POFUT3: variants seen among roughly 807,000 people sequenced by gnomAD.
The protein encoded by POFUT3 is GDP-fucose protein O-fucosyltransferase 3.
the POFUT3 span, among the ~76,000 whole-genome samples, chr8:33,347,904 G>T: frequency 6.6e-6 from 1 of 152,194 alleles, no homozygotes; most frequent in Non-Finnish European, 1.5e-5. Flanking sequence ...GTGGCCAGGT[G>T]TGGTGGCTCA....
chr8:33,420,666 C>A, the POFUT3 span, among the ~76,000 whole-genome samples: 1 of 152,064 alleles, frequency 6.6e-6, no homozygotes, highest in Non-Finnish European at 1.5e-5. Flanking sequence ...ACCAAATAAT[C>A]ACTTGCCTCA....
the POFUT3 span, among the ~76,000 whole-genome samples, chr8:33,401,203 C>G: frequency 2.6e-5 from 4 of 152,146 alleles, no homozygotes; most frequent in African/African-American, 9.7e-5. Flanking sequence ...GGCGGCTGGT[C>G]TCAAACTCCT....
At chr8:33,376,395 A>T in the POFUT3 span, among the ~76,000 whole-genome samples, 2 of 152,210 alleles carry the variant, frequency 1.3e-5, no homozygotes, top group African/African-American at 4.8e-5. Flanking sequence ...TCCCATAGGA[A>T]ATATATGAGG....
At chr8:33,407,765 G>A in the POFUT3 span, among the ~76,000 whole-genome samples, 1 of 152,090 alleles carries the variant, frequency 6.6e-6, no homozygotes, top group African/African-American at 2.4e-5. Context: ...CACTTTGGGA[G>A]GCCGAGGCAG....
chr8:33,348,482 G>T, the POFUT3 span, among the ~76,000 whole-genome samples: 2 of 152,172 alleles, frequency 1.3e-5, no homozygotes, highest in African/African-American at 4.8e-5. Context: ...ACATGAAAGT[G>T]TATATGTGTG....
the POFUT3 span, among the ~76,000 whole-genome samples, chr8:33,406,589 G>A: frequency 1.7e-4 from 26 of 151,698 alleles, no homozygotes; most frequent in Non-Finnish European, 3.1e-4. Flanking sequence ...GCACTATCAC[G>A]CCTGGCTAAT....
At chr8:33,406,451 AT>A in the POFUT3 span, among the ~76,000 whole-genome samples, 2 of 151,864 alleles carry the variant, frequency 1.3e-5, no homozygotes, top group Non-Finnish European at 2.9e-5. Flanking sequence ...CTTCTTTTTT[AT>A]TTTTTGAGAC....
the POFUT3 span, chr8:33,388,890 A>T: frequency 8.4e-7 from 1 of 1,193,620 alleles, no homozygotes; most frequent in Non-Finnish European, 1.2e-6. Flanking sequence ...CAACAACAGA[A>T]GGAAATGCAG....
chr8:33,369,209 A>T, the POFUT3 span, among the ~76,000 whole-genome samples: 10 of 152,226 alleles, frequency 6.6e-5, no homozygotes, highest in Non-Finnish European at 1.2e-4. Flanking sequence ...GTTGGATATT[A>T]TAACATCCAT....
the POFUT3 span, among the ~76,000 whole-genome samples, chr8:33,451,286 G>A: frequency 6.6e-6 from 1 of 152,092 alleles, no homozygotes; most frequent in African/African-American, 2.4e-5. Flanking sequence ...TGCTCAGAAA[G>A]TTTTGGATTC....
the POFUT3 span, among the ~76,000 whole-genome samples, chr8:33,355,609 T>C: frequency 1.3e-5 from 2 of 152,328 alleles, no homozygotes; most frequent in African/African-American, 2.4e-5. Context: ...TGGGATGTTA[T>C]ATTTATATTG....
chr8:33,438,316 G>A, the POFUT3 span, among the ~76,000 whole-genome samples: 1 of 152,194 alleles, frequency 6.6e-6, no homozygotes, highest in South Asian at 2.1e-4. Flanking sequence ...AGTGGCCCAT[G>A]CCTGTAATCC....
chr8:33,392,374 G>A, the POFUT3 span, among the ~76,000 whole-genome samples: 46 of 151,440 alleles, frequency 3.0e-4, no homozygotes, highest in African/African-American at 9.9e-4. Flanking sequence ...TCAGGAGTTC[G>A]AGACCAGCCT....
the POFUT3 span, among the ~76,000 whole-genome samples, chr8:33,380,078 CTATATATACTA>C: frequency 0.046 from 2,208 of 47,712 alleles, 558 homozygotes; most frequent in South Asian, 0.18. Context: ...TATATATACA[CTATATATACTA>C]TATATATACA....
chr8:33,436,661 T>C, the POFUT3 span: 1 of 854,414 alleles, frequency 1.2e-6, no homozygotes, highest in Non-Finnish European at 2.0e-6. Flanking sequence ...TCCCGCTGTG[T>C]AGCCTCCCAG....
At chr8:33,430,645 C>A in the POFUT3 span, among the ~76,000 whole-genome samples, 2 of 152,194 alleles carry the variant, frequency 1.3e-5, no homozygotes, top group Non-Finnish European at 2.9e-5. Flanking sequence ...ATTGCCCAGA[C>A]TGGAGTGCAA....
chr8:33,343,378 T>C, the POFUT3 span, among the ~76,000 whole-genome samples: 4 of 152,282 alleles, frequency 2.6e-5, no homozygotes, highest in Admixed American at 1.3e-4. Context: ...ATTCTAAAAT[T>C]AGCAGGAAAA....
chr8:33,382,641 T>C, the POFUT3 span, among the ~76,000 whole-genome samples: 1 of 152,118 alleles, frequency 6.6e-6, no homozygotes, highest in Non-Finnish European at 1.5e-5. Context: ...GAAAGGGAAG[T>C]GGTTGCCAGT....
the POFUT3 span, among the ~76,000 whole-genome samples, chr8:33,345,488 C>T: frequency 6.6e-6 from 1 of 151,160 alleles, no homozygotes; most frequent in Non-Finnish European, 1.5e-5. Context: ...GCAACCTCCA[C>T]CTCCCGGGTT....
Sources: allele counts gnomAD v4.1 joint callset (sites outside exome capture counted in the v4.1 genomes callset), GRCh38; gene constraint gnomAD v4.1.1; transcripts MANE v1.5; gene names NCBI Gene and HGNC (gene_info 2026-07-23, HGNC 2026-07-21).